The following DSC3 variants were observed in gnomAD, a reference collection of about 807,000 sequenced individuals.
DSC3 encodes desmocollin 3.
DSC3 carries 97 observed loss-of-function variants against 89.5 expected under a neutral mutation model. The ratio of observed to expected loss-of-function variants is 1.08; its 90% CI spans 0.92 to 1.28. DSC3 has a LOEUF of 1.28. Ranked by LOEUF, DSC3 falls within the 50% of genes most tolerant of loss-of-function variation. DSC3 has a pLI of 0.00. For synonymous variants in DSC3, 436 were observed against 384.1 expected (o/e 1.14, Z -1.58); for missense variants, 1,199 against 1,085.3 (o/e 1.10, Z -1.47).
At chr18:31,012,517 T>C (rs1305452509) in intron 9 of DSC3, among the ~76,000 whole-genome samples, 2 of 152,206 alleles carry the variant, frequency 1.3e-5, no homozygotes, top group Non-Finnish European at 2.9e-5. Flanking sequence ...ATTCAACACC[T>C]GACTGTGGGG....
At chr18:31,006,288 G>A (rs556930969) in intron 12 of DSC3, among the ~76,000 whole-genome samples, 214 of 114,056 alleles carry the variant, frequency 1.9e-3, no homozygotes, top group African/African-American at 6.7e-3. Context: ...TCCTCACCTC[G>A]CTGGTATTAT....
chr18:31,019,292 T>TGTTG (rs1985341047), intron 7 of DSC3, among the ~76,000 whole-genome samples: 1 of 151,996 alleles, frequency 6.6e-6, no homozygotes, highest in South Asian at 2.1e-4. Flanking sequence ...GGTTTCACCA[T>TGTTG]GTTGGCCAGG....
intron 1 of DSC3, among the ~76,000 whole-genome samples, chr18:31,032,615 T>A (rs969563583): frequency 6.7e-6 from 1 of 148,476 alleles, no homozygotes; most frequent in African/African-American, 2.5e-5. Flanking sequence ...TGTGCGTGTG[T>A]GACTGAGTCT....
chr18:31,030,507 T>C (rs578133161), intron 3 of DSC3, among the ~76,000 whole-genome samples: 1 of 152,282 alleles, frequency 6.6e-6, no homozygotes, highest in South Asian at 2.1e-4. Flanking sequence ...CTGAGTTCTA[T>C]AATAGAGGGA....
Position 30,990,997 on chromosome 18 carries a change from A to G in DSC3, c.*3178T>C, listed in dbSNP as rs577380417. Reference sequence around the variant, plus strand: ...AATTATTTCTATTTCCATGCCAGCCATAAGCATAATTTTGCAAAGTGATCA... The same window carrying G: ...AATTATTTCTATTTCCATGCCAGCCGTAAGCATAATTTTGCAAAGTGATCA... On this transcript the variant is annotated 3_prime_UTR_variant, in exon 16 of 16. Transcript: ENST00000360428. The G allele has an allele frequency of 6.6e-6, 1 of 152,376 alleles. No homozygotes were observed. Among genetic ancestry groups the G allele is most frequent in the South Asian group, 2.1e-4 (1 of 4,828 alleles). The allele number at this position is 152,376 out of a possible 1,614,324, so 9.4% of individuals were successfully genotyped here.
Position 31,025,795 on chromosome 18 carries a change from G to C in DSC3, c.595C>G (p.Arg199Gly). The C allele has an allele frequency of 6.2e-7, 1 of 1,613,190 alleles. No individual in the cohort carries two copies. Reference protein sequence around the residue: ...ERDTGNLFCTRPVDREEYDVF... With the variant: ...ERDTGNLFCTGPVDREEYDVF... ...TCATATTCTTCACGATCCACAGGCC[G>C]AGTGCAAAATAGATTTCCAGTGTCT... Residue 199 changes from arginine (R) to glycine (G), a missense_variant, in exon 5 of 16, where the codon CGG (arginine) becomes GGG (glycine). Coordinates refer to ENST00000360428, the MANE Select transcript of DSC3 (RefSeq NM_001941.5).
In DSC3 at chr18:31,022,491, C is replaced by A; in HGVS notation, c.787G>T (p.Gly263Trp). 6.2e-7 allele frequency: 1 copy of A among 1,613,942 alleles called. No homozygotes were observed. Among genetic ancestry groups the A allele is most frequent in the African/African-American group, 1.3e-5 (1 of 74,992 alleles). ...LESSRPGTTV[G>W]VVCATDRDEP... ...TCTCTGTCTGTGGCACAAACCACCC[C>A]CACTGTAGTACCTACACATTAAAAA... The change falls in exon 7 of 16, where the codon GGG (glycine) becomes TGG (tryptophan). Residue 263 changes from glycine (G) to tryptophan (W), a missense_variant. Gly to Trp is a radical substitution (Grantham distance 184). Coordinates refer to ENST00000360428, the MANE Select transcript of DSC3 (RefSeq NM_001941.5).
At position 30,993,587 on chromosome 18, in the gene DSC3, A is replaced by C. The variant is rs871056; in HGVS notation, c.*588T>G. On this transcript the variant is annotated 3_prime_UTR_variant, in exon 16 of 16. Coordinates refer to ENST00000360428, the MANE Select transcript of DSC3 (RefSeq NM_001941.5). ...TTTAAATATTGCATTGATTAATAAT[A>C]ATATACACACACACATTTATTTCCA... The C allele has an allele frequency of 0.093, 14,255 of 152,670 alleles. 760 individuals carry two copies. Among genetic ancestry groups the C allele is most frequent in the East Asian group, 0.17 (880 of 5,180 alleles). The allele number at this position is 152,670 out of a possible 1,614,324, so 9.5% of individuals were successfully genotyped here.
chr18:31,017,665 A>T (rs1985280104), intron 9 of DSC3, among the ~76,000 whole-genome samples: 1 of 152,226 alleles, frequency 6.6e-6, no homozygotes, highest in Non-Finnish European at 1.5e-5. Context: ...ATCTTACAGA[A>T]AGTAAGTCTC....
chr18:30,994,319 G>A lies in DSC3; in HGVS notation c.2547C>T (p.Val849=). The change falls in exon 16 of 16, where the codon GTC becomes GTT. Residue 849 remains valine (V), a synonymous_variant. Coordinates refer to ENST00000360428, the MANE Select transcript of DSC3 (RefSeq NM_001941.5). The part of the protein sequence containing the change: ...NEDRMPSQDY[V]LTYNYEGRGS... ...CTCTTCCCTCATAGTTATAAGTGAG[G>A]ACATAATCTTGGGATGGCATGCGGT... The A allele has an allele frequency of 1.2e-6, 2 of 1,614,036 alleles. No individual in the cohort carries two copies. The highest frequency in any genetic ancestry group is 1.7e-6 in the Non-Finnish European group (2 of 1,179,986).
Position 30,994,115 on chromosome 18 carries a change from A to T in DSC3, c.*60T>A. ...CATACATGTTGAAATTGAACTTTAC[A>T]ATATTATTTTTGGAAACCTCCAGAA... is the stretch of plus-strand genomic sequence containing the variant. On this transcript the variant is annotated 3_prime_UTR_variant, in exon 16 of 16. Coordinates refer to ENST00000360428, the MANE Select transcript of DSC3 (RefSeq NM_001941.5). 6.6e-7 allele frequency: 1 copy of T among 1,515,582 alleles called. No homozygotes were observed. The allele number at this position is 1,515,582 out of a possible 1,614,324, so 93.9% of individuals were successfully genotyped here. A position where few individuals can be genotyped will look rare whatever the true frequency, so the allele number is the denominator to read the frequency against.
intron 9 of DSC3, among the ~76,000 whole-genome samples, chr18:31,012,533 A>G (rs1985104800): frequency 6.6e-6 from 1 of 152,138 alleles, no homozygotes; most frequent in Non-Finnish European, 1.5e-5. Context: ...TGGGGTACAA[A>G]TCACCTATCC....
In DSC3 at chr18:31,031,067, AGCGCAAC is replaced by A; in HGVS notation, c.253_259del (p.Val85CysfsTer27). ...GGTAAATGATCTTTTCTTATCAGAC[AGCGCAAC>A]AGCCCTGGCTGTGTACACTGACCCA... On this transcript the variant is annotated frameshift_variant, in exon 3 of 16. Transcript: ENST00000360428. LOFTEE classifies it high-confidence loss of function. The A allele has an allele frequency of 1.9e-6, 3 of 1,614,112 alleles. No individual in the cohort carries two copies. Among genetic ancestry groups the A allele is most frequent in the Non-Finnish European group, 2.5e-6 (3 of 1,179,990 alleles).
At chr18:31,001,814 G>A (rs146839019) in intron 13 of DSC3, 75 bp from the exon 14 acceptor site, 44 of 1,215,878 alleles carry the variant, frequency 3.6e-5, no homozygotes, top group South Asian at 1.9e-4. Context: ...TATTTCTTAC[G>A]ACCTAAGGAT....
Position 31,004,290 on chromosome 18 carries a change from C to A in DSC3, c.1965G>T (p.Arg655Ser). The change falls in exon 13 of 16, where the codon AGG becomes AGT. Residue 655 changes from arginine to serine, a missense_variant. Physicochemically the swap from Arg to Ser is moderately radical, Grantham distance 110 (BLOSUM62 -1). Coordinates refer to ENST00000360428, the MANE Select transcript of DSC3 (RefSeq NM_001941.5). Reference sequence around the variant, plus strand: ...ATAATTTTGTTGCAGCTTGGCCGGCCCTGTCTTTTACAGTAATAGGAATGG... The same window carrying A: ...ATAATTTTGTTGCAGCTTGGCCGGCACTGTCTTTTACAGTAATAGGAATGG... The part of the protein sequence containing the change: ...EYTIPITVKD[R>S]AGQAATKLLR... 1 of 1,613,904 alleles carries A rather than the reference C, an allele frequency of 6.2e-7. No homozygotes were observed. The highest frequency in any genetic ancestry group is 1.1e-5 in the South Asian group (1 of 91,056).
intron 13 of DSC3, 104 bp downstream of exon 13, chr18:31,004,038 C>A (rs1567950817): frequency 4.6e-6 from 4 of 869,052 alleles, no homozygotes; most frequent in Non-Finnish European, 5.4e-6. Flanking sequence ...TGGAAAGAGA[C>A]TCACATCTGA....
chr18:31,014,152 T>A (rs2144702363), intron 9 of DSC3, among the ~76,000 whole-genome samples: 1 of 152,070 alleles, frequency 6.6e-6, no homozygotes. Flanking sequence ...GAATAAGGAA[T>A]ACAGAATATC....
chr18:31,003,864 G>A (rs1175153945), intron 13 of DSC3, among the ~76,000 whole-genome samples: 1 of 152,162 alleles, frequency 6.6e-6, no homozygotes, highest in African/African-American at 2.4e-5. Context: ...AAAAGGAATA[G>A]CACTGGAACC....
At chr18:30,999,398 T>C (rs1254222619) in intron 14 of DSC3, among the ~76,000 whole-genome samples, 1 of 151,934 alleles carries the variant, frequency 6.6e-6, no homozygotes, top group African/African-American at 2.4e-5. Context: ...AGTGCTACCC[T>C]ACATTTTTTT....
Sources: allele counts gnomAD v4.1 joint callset (sites outside exome capture counted in the v4.1 genomes callset), GRCh38; gene constraint gnomAD v4.1.1; transcripts MANE v1.5; gene names NCBI Gene and HGNC (gene_info 2026-07-23, HGNC 2026-07-21).